Variants in DOCK7 observed in about 807,000 individuals in gnomAD.
DOCK7 encodes the protein dedicator of cytokinesis 7, also known as dedicator of cytokinesis protein 7.
DOCK7 carries 138 observed loss-of-function variants against 271.0 expected under a neutral mutation model. That is an observed-to-expected ratio of 0.51 (90% CI 0.44 to 0.59). DOCK7 has a LOEUF of 0.59. Ranked by LOEUF, DOCK7 falls within the 20% of genes least tolerant of loss-of-function variation. DOCK7 has a pLI of 0.00. For synonymous variants in DOCK7, 823 were observed against 876.1 expected (o/e 0.94, Z 1.07); for missense variants, 2,066 against 2,592.4 (o/e 0.80, Z 4.41).
intron 14 of DOCK7, among the ~76,000 whole-genome samples, chr1:62,614,276 G>A (rs569164990): frequency 4.0e-4 from 60 of 151,828 alleles, no homozygotes; most frequent in Non-Finnish European, 6.0e-4. Context: ...ATCCCTTTTC[G>A]TCATTCCAAA....
chr1:62,569,308 T>C (rs1351986376), intron 18 of DOCK7, among the ~76,000 whole-genome samples: 4 of 151,838 alleles, frequency 2.6e-5, no homozygotes, highest in Non-Finnish European at 4.4e-5. Context: ...CAGGCCAATA[T>C]CCCTAATGAA....
intron 48 of DOCK7, among the ~76,000 whole-genome samples, chr1:62,465,935 T>C (rs1645664570): frequency 6.6e-6 from 1 of 152,176 alleles, no homozygotes; most frequent in Admixed American, 6.5e-5. Flanking sequence ...TGTAGATTAA[T>C]GATTTGAGAA....
Position 62,535,570 on chromosome 1 carries a change from CACGGATA to C in DOCK7, c.3527_3533del (p.Leu1176CysfsTer14). ...CCAAATAATGCTGTTGGCGGAAAGG[CACGGATA>C]ATTCAAACATATTTGCAATCTTTTG... is the stretch of plus-strand genomic sequence containing the variant. On this transcript the variant is annotated frameshift_variant, in exon 29 of 50. Transcript: ENST00000635253. LOFTEE classifies it high-confidence loss of function. 1 of 1,614,062 alleles carries C rather than the reference CACGGATA, an allele frequency of 6.2e-7. No individual in the cohort carries two copies. Among genetic ancestry groups the C allele is most frequent in the East Asian group, 2.2e-5 (1 of 44,832 alleles).
intron 22 of DOCK7, among the ~76,000 whole-genome samples, chr1:62,549,739 T>C (rs1645832156): frequency 6.6e-6 from 1 of 152,160 alleles, no homozygotes; most frequent in Admixed American, 6.5e-5. Context: ...CACCCTGTTG[T>C]GCTATCAAAT....
At chr1:62,601,741 T>C in intron 14 of DOCK7, 1 of 1,420,266 alleles carries the variant, frequency 7.0e-7, no homozygotes, top group Non-Finnish European at 9.9e-7. Flanking sequence ...TTACTAAATC[T>C]GATGTAATAA....
chr1:62,663,961 G>A (rs1445966156), intron 1 of DOCK7, among the ~76,000 whole-genome samples: 1 of 152,092 alleles, frequency 6.6e-6, no homozygotes. Flanking sequence ...TGGGTAACTG[G>A]ATAAACAAAC....
chr1:62,632,044 C>T (rs1223829996), intron 10 of DOCK7, among the ~76,000 whole-genome samples: 1 of 152,176 alleles, frequency 6.6e-6, no homozygotes, highest in Non-Finnish European at 1.5e-5. Flanking sequence ...AAACAAACAT[C>T]AAGAGGTGGC....
At chr1:62,678,584 T>C (rs114449051) in intron 1 of DOCK7, among the ~76,000 whole-genome samples, 2,799 of 152,278 alleles carry the variant, frequency 0.018, 38 homozygotes, top group Middle Eastern at 0.061. Context: ...AATTAACATA[T>C]AGATTCAATG....
At chr1:62,547,769 G>A (rs1645759171) in intron 22 of DOCK7, among the ~76,000 whole-genome samples, 1 of 152,172 alleles carries the variant, frequency 6.6e-6, no homozygotes, top group Non-Finnish European at 1.5e-5. Context: ...GGCAATATAA[G>A]TATGAAGAAG....
At chr1:62,515,339 C>G (rs191129845) in intron 31 of DOCK7, among the ~76,000 whole-genome samples, 1 of 152,164 alleles carries the variant, frequency 6.6e-6, no homozygotes, top group African/African-American at 2.4e-5. Context: ...TGCTTCTGAG[C>G]TGGGCACAAA....
intron 35 of DOCK7, among the ~76,000 whole-genome samples, chr1:62,507,000 G>T (rs533827547): frequency 2.4e-4 from 35 of 148,598 alleles, no homozygotes; most frequent in Non-Finnish European, 4.0e-4. Context: ...GTAGAGTCAG[G>T]GTTTTGCCAT....
intron 48 of DOCK7, among the ~76,000 whole-genome samples, chr1:62,459,647 A>C (rs1013526673): frequency 5.9e-5 from 9 of 152,214 alleles, no homozygotes; most frequent in African/African-American, 2.2e-4. Flanking sequence ...ATAATTTAGC[A>C]AAACAGACTC....
At chr1:62,544,794 C>G (rs1645647278) in intron 23 of DOCK7, among the ~76,000 whole-genome samples, 153 bp downstream of exon 23, 1 of 151,956 alleles carries the variant, frequency 6.6e-6, no homozygotes, top group Non-Finnish European at 1.5e-5. Flanking sequence ...GGTACTCATG[C>G]ATAGTAGTTG....
At chr1:62,480,323 TTTCTC>T (rs1646084145) in intron 43 of DOCK7, among the ~76,000 whole-genome samples, 1 of 152,202 alleles carries the variant, frequency 6.6e-6, no homozygotes. Flanking sequence ...TTTATTATAT[TTTCTC>T]ATGACATTCG....
Position 62,625,395 on chromosome 1 carries a change from T to G in DOCK7, c.1289A>C (p.Lys430Thr), listed in dbSNP as rs1343459723. Reference sequence around the variant, plus strand: ...ATTCCTCCTCTCTGACCAAGACCCTTTTCGTTCTACAAAAGAATTAAAAAA... The same window carrying G: ...ATTCCTCCTCTCTGACCAAGACCCTGTTCGTTCTACAAAAGAATTAAAAAA... ...TEVEISTGER[K>T]GSWSERRNSS... The change falls in exon 12 of 50, where the codon AAA (lysine) becomes ACA (threonine). Residue 430 changes from lysine to threonine, a missense_variant. Physicochemically the swap from Lys to Thr is moderately conservative, Grantham distance 78. Around this residue, in one of 2 missense-constraint regions of DOCK7, gnomAD observed 1,414 missense variants for 1,670.4 expected, o/e 0.85. Transcript: ENST00000635253. 1 of 1,589,844 alleles carries G rather than the reference T, an allele frequency of 6.3e-7. No homozygotes were observed. Among genetic ancestry groups the G allele is most frequent in the South Asian group, 1.2e-5 (1 of 85,888 alleles).
At chr1:62,660,275 G>C (rs1658516100) in intron 2 of DOCK7, among the ~76,000 whole-genome samples, 1 of 152,034 alleles carries the variant, frequency 6.6e-6, no homozygotes, top group South Asian at 2.1e-4. Flanking sequence ...AAGATAATAG[G>C]AAAATCTTCA....
chr1:62,597,275 G>A (rs183279674), intron 14 of DOCK7, among the ~76,000 whole-genome samples: 4 of 152,228 alleles, frequency 2.6e-5, no homozygotes, highest in African/African-American at 9.6e-5. Flanking sequence ...TTTAAAAACA[G>A]GTAGTCACCA....
At chr1:62,635,510 C>T (rs1655151674) in intron 8 of DOCK7, 1 of 149,246 alleles carries the variant, frequency 6.7e-6, no homozygotes, top group African/African-American at 2.5e-5. Flanking sequence ...ACACTCCAGC[C>T]TGGCAAAAGA....
intron 37 of DOCK7, 126 bp from the exon 38 acceptor site, chr1:62,496,623 A>G: frequency 1.2e-6 from 1 of 840,072 alleles, no homozygotes; most frequent in Non-Finnish European, 1.8e-6. Flanking sequence ...TTTTAAAGTA[A>G]TAAAATATGC....
Sources: gnomAD v4.1 joint callset for allele counts (sites outside exome capture counted in the v4.1 genomes callset) on GRCh38, gnomAD v4.1.1 for gene constraint, gnomAD v4.1.1 regional missense constraint, MANE v1.5 for transcripts, NCBI Gene and HGNC (gene_info 2026-07-23, HGNC 2026-07-21) for gene names.